EIF4A3: variants seen among roughly 807,000 people sequenced by gnomAD.
EIF4A3 encodes eukaryotic translation initiation factor 4A3.
EIF4A3 carries 1 observed loss-of-function variant against 55.6 expected under a neutral mutation model. The ratio of observed to expected loss-of-function variants is 0.02; its 90% CI spans 0.01 to 0.09. EIF4A3 has a LOEUF of 0.09. Among genes scored for constraint, EIF4A3 ranks in the 10% least tolerant of loss-of-function variants. The pLI is 1.00. For missense variants in EIF4A3, 221 were observed against 540.7 expected (o/e 0.41, Z 5.86); for synonymous variants, 194 against 196.3 (o/e 0.99, Z 0.10).
intron 7 of EIF4A3, 198 bp downstream of exon 7, chr17:80,138,823 A>C: frequency 1.4e-6 from 1 of 715,968 alleles, no homozygotes; most frequent in Non-Finnish European, 2.2e-6. Flanking sequence ...TGGTTTTTTA[A>C]AACAGGAATT....
chr17:80,139,107 C>T lies in EIF4A3; in HGVS notation c.642G>A (p.Val214=). The T allele has an allele frequency of 1.9e-6, 3 of 1,614,100 alleles. No individual in the cohort carries two copies. The highest frequency in any genetic ancestry group is 8.5e-7 in the Non-Finnish European group (1 of 1,180,030). ...GTGGCAGCGTGGCACTGATGAGAACCACCTGTGTGGCTGGAGGCAGGTACC... is the reference window on the plus strand; with the variant it reads ...GTGGCAGCGTGGCACTGATGAGAACTACCTGTGTGGCTGGAGGCAGGTACC... ...VYRYLPPATQ[V]VLISATLPHE... is the part of the protein sequence containing the mutation. Residue 214 remains valine (V), a synonymous_variant, in exon 7 of 12, where the codon GTG becomes GTA. Coordinates refer to ENST00000649764, the MANE Select transcript of EIF4A3 (RefSeq NM_014740.4).
At chr17:80,143,682 G>A (rs2039636152) in intron 2 of EIF4A3, among the ~76,000 whole-genome samples, 1 of 152,160 alleles carries the variant, frequency 6.6e-6, no homozygotes, top group Admixed American at 6.5e-5. Context: ...AGCTGGCTAA[G>A]AAAATGAAAG....
intron 2 of EIF4A3, among the ~76,000 whole-genome samples, 182 bp downstream of exon 2, chr17:80,143,990 T>G (rs914338649): frequency 9.2e-5 from 14 of 151,848 alleles, no homozygotes; most frequent in Non-Finnish European, 1.9e-4. Context: ...AAAAAGAAAA[T>G]GAAAGCTTTC....
chr17:80,141,263 C>T (rs1048794847), intron 4 of EIF4A3, 56 bp downstream of exon 4: 3 of 1,528,894 alleles, frequency 2.0e-6, no homozygotes, highest in Non-Finnish European at 2.7e-6. Context: ...TGTTTCACAA[C>T]TAAATCACAA....
intron 1 of EIF4A3, among the ~76,000 whole-genome samples, chr17:80,144,879 A>G (rs1408459317): frequency 2.0e-5 from 3 of 152,192 alleles, no homozygotes; most frequent in Admixed American, 6.5e-5. Flanking sequence ...CAACTACTAC[A>G]CCAAAGGGTG....
intron 1 of EIF4A3, among the ~76,000 whole-genome samples, chr17:80,144,583 T>G (rs1273549012): frequency 6.6e-6 from 1 of 151,958 alleles, no homozygotes; most frequent in Non-Finnish European, 1.5e-5. Flanking sequence ...GTTACTGCAG[T>G]AGAGGGGTGG....
rs771388338 is a variant in EIF4A3 at position 80,139,044 on chromosome 17, G to A, written c.705C>T (p.Asp235=). 2.5e-6 allele frequency: 4 copies of A among 1,613,938 alleles called. No homozygotes were observed. In the Admixed American group the frequency reaches 6.7e-5, roughly 27 times the overall value. The change falls in exon 7 of 12, where the codon GAC becomes GAT. Residue 235 remains aspartate, a synonymous_variant. Transcript: ENST00000649764. The stretch of plus-strand genomic sequence containing the variant: ...ACCGTTTCACCAAGATGCGGATTGG[G>A]TCGGTCATGAACTTGTTGGTCATCT... ...ILEMTNKFMT[D]PIRILVKRDE... is the part of the protein sequence containing the mutation.
intron 1 of EIF4A3, among the ~76,000 whole-genome samples, chr17:80,144,580 C>T (rs117669530): frequency 0.018 from 2,679 of 151,782 alleles, 30 homozygotes; most frequent in Non-Finnish European, 0.029. Context: ...GCAGTTACTG[C>T]AGTAGAGGGG....
rs1467132245 is a variant in EIF4A3 at position 80,134,978 on chromosome 17, C to T, written c.*512G>A. Among the ~76,000 whole-genome samples, 2 of 151,744 alleles carry T rather than the reference C, an allele frequency of 1.3e-5. No homozygotes were observed. Among genetic ancestry groups the T allele is most frequent in the Non-Finnish European group, 2.9e-5 (2 of 67,940 alleles). On this transcript the variant is annotated 3_prime_UTR_variant, in exon 12 of 12. Transcript: ENST00000649764. The stretch of plus-strand genomic sequence containing the variant: ...CATCTTGGCTAACACGGTGAAACCC[C>T]GTCTCTACTGAAAATACAAAAAAAT...
At chr17:80,138,906 C>T (rs1598604420) in intron 7 of EIF4A3, 115 bp downstream of exon 7, 11 of 1,400,338 alleles carry the variant, frequency 7.9e-6, no homozygotes, top group Middle Eastern at 1.9e-4. Flanking sequence ...GGTTTTGACA[C>T]GAGCTTCAGC....
intron 1 of EIF4A3, 103 bp from the exon 2 acceptor site, chr17:80,144,347 C>T: frequency 9.8e-7 from 1 of 1,021,958 alleles, no homozygotes; most frequent in Non-Finnish European, 1.5e-6. Context: ...TTGAACCTGT[C>T]CTCCAGCCTA....
In EIF4A3 at chr17:80,147,065, CTGTG is replaced by C. The variant is rs1567852328; in HGVS notation, c.-108_-105del. The C allele has an allele frequency of 2.3e-6, 3 of 1,319,404 alleles. No individual in the cohort carries two copies. In the African/African-American group the frequency reaches 5.5e-5, roughly 24 times the overall value. 81.7% of individuals were successfully genotyped at this position (1,319,404 alleles called of 1,614,324 possible). On this transcript the variant is annotated 5_prime_UTR_variant, in exon 1 of 12. Transcript: ENST00000649764. ...GACCTCGCTGCCGCTGCCGACCTCG[CTGTG>C]CCGCTGCCGACCTCGCTGTGCCGCT... is the stretch of plus-strand genomic sequence containing the variant.
chr17:80,135,050 G>C lies in EIF4A3; in HGVS notation c.*440C>G, dbSNP rs1249462734. ...GCCTGTACTCCCAGCTACGTGGGAG[G>C]CTGAGGTAGGAGAATGGCATGAACC... On this transcript the variant is annotated 3_prime_UTR_variant, in exon 12 of 12. Transcript: ENST00000649764. Among the ~76,000 whole-genome samples, 3 of 151,878 alleles carry C rather than the reference G, an allele frequency of 2.0e-5. No homozygotes were observed. The highest frequency in any genetic ancestry group is 4.4e-5 in the Non-Finnish European group (3 of 67,974).
At chr17:80,136,527 T>C (rs1419788013) in intron 9 of EIF4A3, 192 bp from the exon 10 acceptor site, 2 of 577,522 alleles carry the variant, frequency 3.5e-6, no homozygotes, top group Non-Finnish European at 6.1e-6. Flanking sequence ...GAGGGGCTGT[T>C]GGTGGATTTA....
chr17:80,143,280 A>G (rs1331837436), intron 2 of EIF4A3, among the ~76,000 whole-genome samples: 1 of 152,144 alleles, frequency 6.6e-6, no homozygotes, highest in East Asian at 1.9e-4. Flanking sequence ...TATCCTCTGC[A>G]GTACCCTTTA....
intron 9 of EIF4A3, chr17:80,136,927 C>T (rs989534514): frequency 6.4e-6 from 1 of 155,936 alleles, no homozygotes; most frequent in African/African-American, 2.4e-5. Context: ...GCACTCCGGC[C>T]TGGGTAACGA....
At chr17:80,146,479 T>C (rs1426978790) in intron 1 of EIF4A3, among the ~76,000 whole-genome samples, 1 of 152,172 alleles carries the variant, frequency 6.6e-6, no homozygotes, top group Non-Finnish European at 1.5e-5. Flanking sequence ...CCCCAGTACC[T>C]AGAAAAGCTA....
intron 4 of EIF4A3, among the ~76,000 whole-genome samples, chr17:80,140,940 C>T (rs1376109954): frequency 3.9e-5 from 6 of 152,056 alleles, no homozygotes; most frequent in Admixed American, 1.3e-4. Flanking sequence ...GGATTACAGG[C>T]GCCTGCCACC....
At chr17:80,138,906 C>A in intron 7 of EIF4A3, 115 bp downstream of exon 7, 1 of 1,400,466 alleles carries the variant, frequency 7.1e-7, no homozygotes, top group Non-Finnish European at 9.8e-7. Flanking sequence ...GGTTTTGACA[C>A]GAGCTTCAGC....
Sources: gnomAD v4.1 joint callset for allele counts (sites outside exome capture counted in the v4.1 genomes callset) on GRCh38, gnomAD v4.1.1 for gene constraint, MANE v1.5 for transcripts, NCBI Gene and HGNC (gene_info 2026-07-23, HGNC 2026-07-21) for gene names.